Variants in NCOA3 observed in about 807,000 individuals in gnomAD.
NCOA3 encodes the protein CBP-interacting protein.
NCOA3 carries 51 observed loss-of-function variants against 158.8 expected under a neutral mutation model. That is an observed-to-expected ratio of 0.32 (90% CI 0.26 to 0.41). The LOEUF (loss-of-function observed/expected upper bound fraction) is 0.41, where lower values mean the gene tolerates loss of function less well. Ranked by LOEUF, NCOA3 falls within the 10% of genes least tolerant of loss-of-function variation. The pLI is 1.00. For missense variants in NCOA3, 1,510 were observed against 1,746.6 expected, an observed-to-expected ratio of 0.86 and a Z score of 2.41; for synonymous variants, 537 against 592.4, an observed-to-expected ratio of 0.91 and a Z score of 1.36.
intron 1 of NCOA3, among the ~76,000 whole-genome samples, chr20:47,559,558 C>T (rs2085065789): frequency 6.6e-6 from 1 of 151,946 alleles, no homozygotes; most frequent in South Asian, 2.1e-4. Flanking sequence ...TTTTTTCTTC[C>T]CCAGAATAGG....
chr20:47,511,556 T>TATATACACACACACA (rs1569310943), intron 1 of NCOA3, among the ~76,000 whole-genome samples: 1 of 30,198 alleles, frequency 3.3e-5, no homozygotes. Flanking sequence ...TATATATATA[T>TATATACACACACACA]TTCTTTTTTT....
intron 1 of NCOA3, among the ~76,000 whole-genome samples, chr20:47,520,139 T>C (rs1237928108): frequency 1.3e-5 from 2 of 151,480 alleles, no homozygotes; most frequent in East Asian, 3.9e-4. Context: ...GCTACACCCT[T>C]GTTTACAGTG....
At chr20:47,599,317 G>A (rs1309161291) in intron 2 of NCOA3, among the ~76,000 whole-genome samples, 4 of 151,980 alleles carry the variant, frequency 2.6e-5, no homozygotes, top group Non-Finnish European at 1.5e-5. Flanking sequence ...CCATAAAGAC[G>A]CAAATACGTA....
At chr20:47,521,256 C>T (rs1284897183) in intron 1 of NCOA3, among the ~76,000 whole-genome samples, 1 of 152,180 alleles carries the variant, frequency 6.6e-6, no homozygotes, top group Non-Finnish European at 1.5e-5. Context: ...CCAGAGACCG[C>T]CCCCGGAGGG....
intron 17 of NCOA3, among the ~76,000 whole-genome samples, chr20:47,645,007 A>G (rs1448164335): frequency 6.6e-6 from 1 of 151,888 alleles, no homozygotes; most frequent in African/African-American, 2.4e-5. Flanking sequence ...GGACTCCCCA[A>G]ATTTCCACAT....
At chr20:47,511,938 A>G (rs372516896) in intron 1 of NCOA3, among the ~76,000 whole-genome samples, 25 of 152,262 alleles carry the variant, frequency 1.6e-4, no homozygotes, top group African/African-American at 5.8e-4. Context: ...TGAGTAAATG[A>G]TGCCCTAAAA....
chr20:47,502,605 G>C (rs760135231), intron 1 of NCOA3, among the ~76,000 whole-genome samples: 10 of 151,902 alleles, frequency 6.6e-5, no homozygotes, highest in Non-Finnish European at 1.5e-4. Context: ...TAGTTTTCTC[G>C]GTAAAAAGGC....
intron 2 of NCOA3, among the ~76,000 whole-genome samples, chr20:47,606,458 T>C (rs934854852): frequency 6.6e-6 from 1 of 152,192 alleles, no homozygotes; most frequent in Non-Finnish European, 1.5e-5. Flanking sequence ...CATTGCATTC[T>C]TCACTGCCAG....
Position 47,529,013 on chromosome 20 carries a change from C to T in NCOA3, c.-99+26994C>T, listed in dbSNP as rs191828020. Among the ~76,000 whole-genome samples the T allele has an allele frequency of 6.2e-3, 945 of 152,246 alleles. 4 individuals are homozygous for T. The highest frequency in any genetic ancestry group is 0.024 in the Middle Eastern group (7 of 294). On this transcript the variant is annotated intron_variant, in intron 1 of 22. Transcript: ENST00000371998. The stretch of plus-strand genomic sequence containing the variant: ...AACTCCCGACCTCGGGTGATCCACC[C>T]GCCTTGGCCTCCCAGAGTGCTGGGA...
chr20:47,558,232 A>ATTTTTTTTT lies in NCOA3; in HGVS notation c.-98-24930_-98-24922dup, dbSNP rs71183263. ...CACCTCCACGCCCAGCTAATTTTGTATTTTTTTTTTTTTTTTTTTTTTTTT... is the reference window on the plus strand; with the variant it reads ...CACCTCCACGCCCAGCTAATTTTGTATTTTTTTTTTTTTTTTTTTTTTTTTTTTTTTTTT... On this transcript the variant is annotated intron_variant, in intron 1 of 22. Transcript: ENST00000371998. Among the ~76,000 whole-genome samples the ATTTTTTTTT allele has an allele frequency of 1.0e-3, 58 of 55,528 alleles. 7 individuals are homozygous for ATTTTTTTTT. Among genetic ancestry groups the ATTTTTTTTT allele is most frequent in the African/African-American group, 3.0e-3 (46 of 15,484 alleles). 36.4% of individuals were successfully genotyped at this position (55,528 alleles called of 152,430 possible). A position where few individuals can be genotyped will look rare whatever the true frequency, so the allele number is the denominator to read the frequency against.
At chr20:47,607,034 A>C (rs73310159) in intron 2 of NCOA3, among the ~76,000 whole-genome samples, 3,317 of 152,286 alleles carry the variant, frequency 0.022, 101 homozygotes, top group African/African-American at 0.066. Context: ...AACTCAGTGA[A>C]CCAGTATTAT....
Position 47,652,504 on chromosome 20 carries a change from C to A in NCOA3, c.4045C>A (p.Gln1349Lys). 6.2e-7 allele frequency: 1 copy of A among 1,614,094 alleles called. No individual in the cohort carries two copies. The highest frequency in any genetic ancestry group is 8.5e-7 in the Non-Finnish European group (1 of 1,179,960). The change falls in exon 21 of 23, where the codon CAA becomes AAA. Residue 1349 changes from glutamine to lysine, a missense_variant. Transcript: ENST00000371998. ...GGGTCCCTCCCAGAATCCCATGATG[C>A]AACACCCGCAGGCTGCATCCATCTA... ...RMGPSQNPMM[Q>K]HPQAASIYQS...
At chr20:47,592,856 G>T (rs930047952) in intron 2 of NCOA3, among the ~76,000 whole-genome samples, 1 of 152,168 alleles carries the variant, frequency 6.6e-6, no homozygotes, top group Non-Finnish European at 1.5e-5. Context: ...GTAATACCTT[G>T]AACTAATCTT....
intron 8 of NCOA3, chr20:47,630,301 C>T (rs577628443): frequency 3.9e-5 from 6 of 152,254 alleles, no homozygotes; most frequent in Admixed American, 2.6e-4. Context: ...TTATTTCTGT[C>T]AGCTTATTCA....
chr20:47,546,982 C>T (rs117574830), intron 1 of NCOA3, among the ~76,000 whole-genome samples: 1,769 of 152,276 alleles, frequency 0.012, 19 homozygotes, highest in East Asian at 0.019. Flanking sequence ...TTAAGTTCCT[C>T]ATCTCTTTAA....
chr20:47,576,573 C>T (rs1293619309), intron 1 of NCOA3, among the ~76,000 whole-genome samples: 2 of 152,044 alleles, frequency 1.3e-5, no homozygotes, highest in Non-Finnish European at 2.9e-5. Context: ...AAATTGTCAC[C>T]TTGAACTTAT....
chr20:47,603,296 C>G (rs1395724439), intron 2 of NCOA3, among the ~76,000 whole-genome samples: 1 of 152,256 alleles, frequency 6.6e-6, no homozygotes, highest in Admixed American at 6.5e-5. Flanking sequence ...CCTGACCCCC[C>G]TCACAGGACG....
At chr20:47,611,661 A>G (rs2146278960) in intron 2 of NCOA3, among the ~76,000 whole-genome samples, 1 of 152,232 alleles carries the variant, frequency 6.6e-6, no homozygotes, top group Non-Finnish European at 1.5e-5. Context: ...GTATGGTGGC[A>G]GCTGCCTGTA....
intron 14 of NCOA3, 131 bp downstream of exon 14, chr20:47,639,333 C>A: frequency 1.1e-6 from 1 of 936,364 alleles, no homozygotes; most frequent in Non-Finnish European, 1.6e-6. Flanking sequence ...CCATGAATAT[C>A]CTTCATTTAT....
Sources: allele counts gnomAD v4.1 joint callset (sites outside exome capture counted in the v4.1 genomes callset), GRCh38; gene constraint gnomAD v4.1.1; transcripts MANE v1.5; gene names NCBI Gene and HGNC (gene_info 2026-07-23, HGNC 2026-07-21).